CNTNAP5: variants seen among roughly 807,000 people sequenced by gnomAD.
CNTNAP5 encodes contactin associated protein family member 5, also known as contactin-associated protein-like 5.
In CNTNAP5, 72 loss-of-function variants were observed where a neutral mutation model predicts 150.2. That is an observed-to-expected ratio of 0.48 (90% CI 0.40 to 0.58). CNTNAP5 has a LOEUF of 0.58. Among genes scored for constraint, CNTNAP5 ranks in the 20% least tolerant of loss-of-function variants. The pLI, the probability that CNTNAP5 is intolerant of heterozygous loss-of-function variation, is 0.00. For synonymous variants in CNTNAP5, 672 were observed against 619.8 expected, an observed-to-expected ratio of 1.08 and a Z score of -1.25; for missense variants, 1,636 against 1,626.2, an observed-to-expected ratio of 1.01 and a Z score of -0.10.
At position 124,136,450 on chromosome 2, in the gene CNTNAP5, T is replaced by A. The variant is rs917404195; in HGVS notation, c.83-85255T>A. ...ACTTTACCTACTCAACATCAAAGCT[T>A]AACCTAGTCCACCTTAAATGGGATC... is the stretch of plus-strand genomic sequence containing the variant. On this transcript the variant is annotated intron_variant, in intron 1 of 23. Transcript: ENST00000682447. 3.9e-5 allele frequency among the ~76,000 whole-genome samples: 6 copies of A among 152,218 alleles called. No homozygotes were observed. In the South Asian group the frequency reaches 8.3e-4, roughly 21 times the overall value.
At chr2:124,664,329 A>G (rs1372440971) in intron 13 of CNTNAP5, among the ~76,000 whole-genome samples, 2 of 150,524 alleles carry the variant, frequency 1.3e-5, no homozygotes, top group Non-Finnish European at 3.0e-5. Flanking sequence ...TCTCAAGAAA[A>G]AAAAAAAAAA....
At chr2:124,236,121 A>G (rs112568964) in intron 2 of CNTNAP5, among the ~76,000 whole-genome samples, 11,560 of 152,148 alleles carry the variant, frequency 0.076, 612 homozygotes, top group Non-Finnish European at 0.12. Flanking sequence ...ACACATCACC[A>G]TGCCCTGTTA....
intron 1 of CNTNAP5, among the ~76,000 whole-genome samples, chr2:124,157,155 TG>T (rs1420813821): frequency 2.1e-5 from 3 of 143,596 alleles, no homozygotes; most frequent in African/African-American, 7.4e-5. Context: ...ACCTTATTCT[TG>T]GTATCGCAGG....
intron 21 of CNTNAP5, among the ~76,000 whole-genome samples, chr2:124,897,897 G>A (rs1294277396): frequency 6.7e-6 from 1 of 150,224 alleles, no homozygotes; most frequent in Non-Finnish European, 1.5e-5. Flanking sequence ...ATACAAATGA[G>A]CATACTAAGA....
intron 1 of CNTNAP5, among the ~76,000 whole-genome samples, chr2:124,097,318 A>G (rs1428520026): frequency 6.6e-6 from 1 of 152,134 alleles, no homozygotes; most frequent in Non-Finnish European, 1.5e-5. Context: ...GCACTGTCAC[A>G]CTATCCTACC....
At chr2:124,627,850 A>G (rs1677761767) in intron 12 of CNTNAP5, among the ~76,000 whole-genome samples, 1 of 152,228 alleles carries the variant, frequency 6.6e-6, no homozygotes, top group Non-Finnish European at 1.5e-5. Flanking sequence ...TAACTAGAAT[A>G]ACCAGTTTAG....
chr2:124,385,608 A>G (rs189990009), intron 3 of CNTNAP5, among the ~76,000 whole-genome samples: 513 of 152,334 alleles, frequency 3.4e-3, no homozygotes, highest in Non-Finnish European at 3.1e-3. Context: ...AGGCACAGAA[A>G]CATATTTTTT....
In CNTNAP5 at chr2:124,787,409, G is replaced by A. The variant is rs112684439; in HGVS notation, c.2753-2493G>A. Among the ~76,000 whole-genome samples, 286 of 152,320 alleles carry A rather than the reference G, an allele frequency of 1.9e-3. 2 individuals carry two copies. The highest frequency in any genetic ancestry group is 0.017 in the Middle Eastern group (5 of 294). On this transcript the variant is annotated intron_variant, in intron 17 of 23. Transcript: ENST00000682447. ...CCAAAATTGAGACAGACAGGAGAAT[G>A]TAATTGGGGTTTGGCCTCCTGGCCT...
At chr2:124,314,572 C>T (rs1487558136) in intron 3 of CNTNAP5, among the ~76,000 whole-genome samples, 1 of 151,944 alleles carries the variant, frequency 6.6e-6, no homozygotes, top group Non-Finnish European at 1.5e-5. Context: ...CTCAGGATTC[C>T]CATCTTGATT....
chr2:124,384,848 G>T (rs1690888458), intron 3 of CNTNAP5, among the ~76,000 whole-genome samples: 1 of 152,130 alleles, frequency 6.6e-6, no homozygotes, highest in Non-Finnish European at 1.5e-5. Context: ...CAGGTGCCAA[G>T]CCCTTTCTTT....
At chr2:124,746,189 A>G (rs538738521) in intron 13 of CNTNAP5, among the ~76,000 whole-genome samples, 3 of 152,312 alleles carry the variant, frequency 2.0e-5, no homozygotes, top group East Asian at 3.9e-4. Context: ...CAATTACCAA[A>G]GGGAGCCCAG....
intron 1 of CNTNAP5, among the ~76,000 whole-genome samples, chr2:124,058,778 C>A (rs1681925325): frequency 6.6e-6 from 1 of 152,130 alleles, no homozygotes; most frequent in Admixed American, 6.6e-5. Context: ...TCTTATGAGC[C>A]AAATTTTGTC....
Position 124,772,824 on chromosome 2 carries a change from C to T in CNTNAP5, c.2559C>T (p.Ile853=), listed in dbSNP as rs1334651543. The T allele has an allele frequency of 1.1e-5, 17 of 1,613,606 alleles. No homozygotes were observed. Among genetic ancestry groups the T allele is most frequent in the South Asian group, 7.7e-5 (7 of 91,070 alleles). Residue 853 remains isoleucine, a synonymous_variant, in exon 17 of 24, where the codon ATC becomes ATT. Coordinates refer to ENST00000682447, the MANE Select transcript of CNTNAP5 (RefSeq NM_001367498.1). ...ISSPSEITFA[I]DVGNGPVELV... The stretch of plus-strand genomic sequence containing the variant: ...CTCCTTCAGAGATCACCTTTGCCAT[C>T]GATGTTGGGAATGGTCCTGTGGAGC...
At chr2:124,323,625 A>T (rs1027811971) in intron 3 of CNTNAP5, among the ~76,000 whole-genome samples, 2 of 152,114 alleles carry the variant, frequency 1.3e-5, no homozygotes, top group African/African-American at 4.8e-5. Flanking sequence ...CTTCCACAGC[A>T]CCCTCATATC....
intron 3 of CNTNAP5, among the ~76,000 whole-genome samples, chr2:124,361,101 C>T (rs967022548): frequency 2.0e-4 from 29 of 145,756 alleles, no homozygotes; most frequent in Middle Eastern, 6.8e-3. Context: ...TTGATCGCAT[C>T]GGCTCCTGAG....
At chr2:124,222,747 G>A (rs999547366) in intron 2 of CNTNAP5, among the ~76,000 whole-genome samples, 23 of 147,358 alleles carry the variant, frequency 1.6e-4, no homozygotes, top group South Asian at 8.6e-4. Flanking sequence ...TTTTTTACAC[G>A]CTAACTAATT....
intron 1 of CNTNAP5, among the ~76,000 whole-genome samples, chr2:124,168,305 C>T (rs1684852548): frequency 6.6e-6 from 1 of 152,090 alleles, no homozygotes; most frequent in African/African-American, 2.4e-5. Context: ...AAGAGTCTGC[C>T]CGGACGTTGG....
chr2:124,835,232 CT>C (rs1352315445), intron 19 of CNTNAP5, among the ~76,000 whole-genome samples: 1 of 149,286 alleles, frequency 6.7e-6, no homozygotes, highest in African/African-American at 2.4e-5. Context: ...TTGTTTTCAT[CT>C]TTCTCATTGT....
rs56154943 is a variant in CNTNAP5 at position 124,897,936 on chromosome 2, AGTGTGTGTGTGT to A, written c.3437-4915_3437-4904del. Reference sequence around the variant, plus strand: ...ACATAAAAGCAGTAAGCAAATGCCAAGTGTGTGTGTGTGTGTGTGTGTGTGTGTGTGTGTGTG... The same window carrying A: ...ACATAAAAGCAGTAAGCAAATGCCAAGTGTGTGTGTGTGTGTGTGTGTGTG... On this transcript the variant is annotated intron_variant, in intron 21 of 23. Coordinates refer to ENST00000682447, the MANE Select transcript of CNTNAP5 (RefSeq NM_001367498.1). Among the ~76,000 whole-genome samples the A allele has an allele frequency of 1.5e-3, 220 of 142,106 alleles. 6 individuals carry two copies. The highest frequency in any genetic ancestry group is 3.5e-3 in the Middle Eastern group (1 of 284). The allele number at this position is 142,106 out of a possible 152,430, so 93.2% of individuals were successfully genotyped here. A position where few individuals can be genotyped will look rare whatever the true frequency, so the allele number is the denominator to read the frequency against.
Sources: gnomAD v4.1 joint callset for allele counts (sites outside exome capture counted in the v4.1 genomes callset) on GRCh38, gnomAD v4.1.1 for gene constraint, MANE v1.5 for transcripts, NCBI Gene and HGNC (gene_info 2026-07-23, HGNC 2026-07-21) for gene names.